HCRTR2: variants seen among roughly 807,000 people sequenced by gnomAD.
HCRTR2 encodes the protein orexin receptor type 2.
HCRTR2 carries 22 observed loss-of-function variants against 49.0 expected under a neutral mutation model. The ratio of observed to expected loss-of-function variants is 0.45; its 90% CI spans 0.32 to 0.64. The LOEUF is 0.64. Among genes scored for constraint, HCRTR2 ranks in the 30% least tolerant of loss-of-function variants. The pLI is 0.04. For synonymous variants in HCRTR2, 236 were observed against 205.3 expected (o/e 1.15, Z -1.28); for missense variants, 491 against 559.4 (o/e 0.88, Z 1.23).
chr6:55,235,770 G>T (rs941754735), intron 1 of HCRTR2, among the ~76,000 whole-genome samples: 1 of 152,002 alleles, frequency 6.6e-6, no homozygotes, highest in Non-Finnish European at 1.5e-5. Flanking sequence ...TTTGTCATAT[G>T]TCAAGAGTCC....
chr6:55,140,942 A>T (rs774859664), intron 1 of HCRTR2, among the ~76,000 whole-genome samples: 122 of 152,284 alleles, frequency 8.0e-4, no homozygotes, highest in Middle Eastern at 3.4e-3. Context: ...CCTGAGTTAG[A>T]ATCCCCATGC....
chr6:55,264,455 A>G (rs903328273), intron 4 of HCRTR2, among the ~76,000 whole-genome samples: 6 of 152,242 alleles, frequency 3.9e-5, no homozygotes, highest in Middle Eastern at 3.4e-3. Context: ...AACTTTTCAC[A>G]TACATGTCTC....
At chr6:55,231,200 A>G (rs116076207) in intron 1 of HCRTR2, among the ~76,000 whole-genome samples, 1,658 of 152,288 alleles carry the variant, frequency 0.011, 31 homozygotes, top group African/African-American at 0.038. Context: ...ACTTATGTTT[A>G]TCACTCACTT....
chr6:55,217,620 C>T (rs1765812589), intron 1 of HCRTR2, among the ~76,000 whole-genome samples: 1 of 152,038 alleles, frequency 6.6e-6, no homozygotes, highest in Non-Finnish European at 1.5e-5. Flanking sequence ...TACCTTGTTC[C>T]CCCTTTCTGT....
chr6:55,225,542 T>C (rs1367729544), intron 1 of HCRTR2, among the ~76,000 whole-genome samples: 1 of 152,206 alleles, frequency 6.6e-6, no homozygotes, highest in Non-Finnish European at 1.5e-5. Context: ...GAGATTCTAA[T>C]ATAATCTGTG....
At chr6:55,141,940 C>G (rs911372198) in intron 1 of HCRTR2, among the ~76,000 whole-genome samples, 1 of 151,962 alleles carries the variant, frequency 6.6e-6, no homozygotes, top group Non-Finnish European at 1.5e-5. Flanking sequence ...AGATGTCAAA[C>G]ACCAAGAAAT....
intron 1 of HCRTR2, among the ~76,000 whole-genome samples, chr6:55,122,311 C>T (rs371914479): frequency 6.6e-6 from 1 of 152,028 alleles, no homozygotes; most frequent in East Asian, 1.9e-4. Context: ...GTGGTGATAT[C>T]CCCTTTATCA....
chr6:55,263,724 A>G lies in HCRTR2; in HGVS notation c.664A>G (p.Met222Val), dbSNP rs1766811638. The G allele has an allele frequency of 1.9e-6, 3 of 1,606,688 alleles. No homozygotes were observed. Among genetic ancestry groups the G allele is most frequent in the Non-Finnish European group, 1.7e-6 (2 of 1,174,064 alleles). ...ERWGGEIYPK[M>V]YHICFFLVTY... ...CATCCTAGGTGAAATTTATCCCAAG[A>G]TGTACCACATCTGTTTCTTTCTGGT... Residue 222 changes from methionine (M) to valine (V), a missense_variant, in exon 4 of 7, where the codon ATG (methionine) becomes GTG (valine). By Grantham distance (21) the Met-to-Val change is conservative. Transcript: ENST00000370862.
At chr6:55,217,383 T>G (rs1051712674) in intron 1 of HCRTR2, among the ~76,000 whole-genome samples, 5 of 152,178 alleles carry the variant, frequency 3.3e-5, no homozygotes, top group African/African-American at 9.7e-5. Context: ...TAATTATACA[T>G]CTGTCTTTAA....
At chr6:55,136,828 A>G (rs1445071510) in intron 1 of HCRTR2, among the ~76,000 whole-genome samples, 1 of 152,130 alleles carries the variant, frequency 6.6e-6, no homozygotes, top group Non-Finnish European at 1.5e-5. Flanking sequence ...GGCCTTCTGG[A>G]TTGGCACAGT....
At chr6:55,242,293 A>G (rs1163659840) in intron 1 of HCRTR2, among the ~76,000 whole-genome samples, 1 of 152,194 alleles carries the variant, frequency 6.6e-6, no homozygotes, top group Non-Finnish European at 1.5e-5. Flanking sequence ...CATCGTCACT[A>G]TCCACCTCCA....
intron 1 of HCRTR2, among the ~76,000 whole-genome samples, chr6:55,122,442 G>T (rs1183860758): frequency 3.3e-5 from 5 of 152,008 alleles, no homozygotes; most frequent in African/African-American, 1.2e-4. Context: ...TTTTTGAAGG[G>T]TTTTTTGTGT....
chr6:55,108,421 C>T (rs1561973402), intron 1 of HCRTR2, among the ~76,000 whole-genome samples: 1 of 152,046 alleles, frequency 6.6e-6, no homozygotes, highest in African/African-American at 2.4e-5. Context: ...AGCTGAAAAG[C>T]TGTGAGTGCC....
chr6:55,283,086 ACT>A (rs1767228316), downstream of HCRTR2, among the ~76,000 whole-genome samples: 1 of 152,182 alleles, frequency 6.6e-6, no homozygotes, highest in Non-Finnish European at 1.5e-5. Flanking sequence ...GGCCAGTAAG[ACT>A]CTATCACAGT....
chr6:55,182,590 C>T (rs1346410307), intron 1 of HCRTR2, among the ~76,000 whole-genome samples: 1 of 152,216 alleles, frequency 6.6e-6, no homozygotes, highest in African/African-American at 2.4e-5. Context: ...ACTACCCCAA[C>T]CCACCCCCAG....
At chr6:55,209,973 A>G (rs1765669053) in intron 1 of HCRTR2, among the ~76,000 whole-genome samples, 1 of 152,138 alleles carries the variant, frequency 6.6e-6, no homozygotes, top group African/African-American at 2.4e-5. Context: ...ATGGTTTATA[A>G]TTGGTAAATT....
chr6:55,209,224 G>C (rs1460403819), intron 1 of HCRTR2, among the ~76,000 whole-genome samples: 1 of 152,128 alleles, frequency 6.6e-6, no homozygotes, highest in East Asian at 1.9e-4. Context: ...GAACTAGTGA[G>C]TCATATAACA....
intron 1 of HCRTR2, among the ~76,000 whole-genome samples, chr6:55,151,895 T>A (rs958297328): frequency 6.6e-6 from 1 of 151,992 alleles, no homozygotes; most frequent in Non-Finnish European, 1.5e-5. Context: ...TCCCTGTAGA[T>A]CTCTGTCAGA....
chr6:55,187,386 C>T (rs1436339788), intron 1 of HCRTR2, among the ~76,000 whole-genome samples: 12 of 116,666 alleles, frequency 1.0e-4, no homozygotes, highest in Admixed American at 9.4e-4. Context: ...GCACTCTGGC[C>T]TGGTGACAGA....
Sources: allele counts gnomAD v4.1 joint callset (sites outside exome capture counted in the v4.1 genomes callset), GRCh38; gene constraint gnomAD v4.1.1; transcripts MANE v1.5; gene names NCBI Gene and HGNC (gene_info 2026-07-23, HGNC 2026-07-21).